The following FLT4 variants were observed in gnomAD, a reference collection of about 807,000 sequenced individuals.
FLT4 encodes the protein fms related receptor tyrosine kinase 4.
FLT4 carries 30 observed loss-of-function variants against 163.2 expected under a neutral mutation model. That is an observed-to-expected ratio of 0.18 (90% confidence interval 0.14 to 0.25). FLT4 has a LOEUF of 0.25. FLT4 is among the 10% of genes least tolerant of loss of function. The pLI is 1.00. For missense variants in FLT4, 1,510 were observed against 1,863.8 expected (o/e 0.81, Z 3.50); for synonymous variants, 884 against 789.5 (o/e 1.12, Z -2.01).
intron 1 of FLT4, 49 bp from the exon 2 acceptor site, chr5:180,631,827 G>T (rs372630033): frequency 7.7e-7 from 1 of 1,293,470 alleles, no homozygotes. Context: ...GACTTGGCAC[G>T]ACGTTGATGG....
intron 29 of FLT4, among the ~76,000 whole-genome samples, chr5:180,605,642 A>T (rs370891601): frequency 1.3e-5 from 2 of 152,204 alleles, no homozygotes; most frequent in African/African-American, 2.4e-5. Context: ...CCTCAAACCC[A>T]TATCTTTGGC....
intron 26 of FLT4, among the ~76,000 whole-genome samples, chr5:180,611,894 T>A (rs1329185538): frequency 6.6e-6 from 1 of 152,010 alleles, no homozygotes; most frequent in East Asian, 1.9e-4. Flanking sequence ...AGCCGGATCA[T>A]CCCTCCTCCA....
In FLT4 at chr5:180,629,768, C is replaced by G. The variant is rs754365305; in HGVS notation, c.744G>C (p.Leu248=). The stretch of plus-strand genomic sequence containing the variant: ...CAGCCCACACGGTGCAGTTCAGGAC[C>G]AGCTTCTCCCCTACCAGCAGCTCCA... ...KSLELLVGEK[L]VLNCTVWAEF... is the part of the protein sequence containing the mutation. The change falls in exon 6 of 30, where the codon CTG becomes CTC. Residue 248 remains leucine (L), a synonymous_variant. Transcript: ENST00000261937. The G allele has an allele frequency of 6.2e-7, 1 of 1,612,394 alleles. No homozygotes were observed. The highest frequency in any genetic ancestry group is 8.5e-7 in the Non-Finnish European group (1 of 1,179,790).
At chr5:180,643,296 C>T (rs73812640) in intron 1 of FLT4, among the ~76,000 whole-genome samples, 6,039 of 152,234 alleles carry the variant, frequency 0.04, 170 homozygotes, top group South Asian at 0.12. Context: ...TGAGTAGGAG[C>T]GGGCCCAAGA....
At chr5:180,608,890 C>T (rs917482885) in intron 29 of FLT4, 78 bp downstream of exon 29, 12 of 1,264,500 alleles carry the variant, frequency 9.5e-6, no homozygotes, top group Admixed American at 1.7e-5. Context: ...GGGCTGGGCA[C>T]ACCCAGACCC....
chr5:180,615,386 C>T (rs112450045), intron 23 of FLT4, among the ~76,000 whole-genome samples: 31 of 15,816 alleles, frequency 2.0e-3, no homozygotes, highest in South Asian at 6.4e-3. Context: ...CACTTCCTTT[C>T]GGAGCACTGG....
chr5:180,619,810 G>A (rs1284682308), intron 17 of FLT4, 41 bp from the exon 18 acceptor site: 3 of 1,490,870 alleles, frequency 2.0e-6, no homozygotes, highest in Middle Eastern at 2.0e-4. Flanking sequence ...GCTGTACGGG[G>A]TGAGCGTGGA....
In FLT4 at chr5:180,616,235, G is replaced by A; in HGVS notation, c.3219+132C>T. On this transcript the variant is annotated intron_variant, in intron 23 of 29. Transcript: ENST00000261937. The stretch of plus-strand genomic sequence containing the variant: ...GGGGCAGGAGGTCCACCAGCAGCTG[G>A]GCACATGGCTGGCCAACCAAGGAGC... The A allele has an allele frequency of 3.1e-6, 4 of 1,292,232 alleles. No individual in the cohort carries two copies. The Admixed American group carries it at 5.1e-5, about 16-fold the overall frequency. 80.0% of individuals were successfully genotyped at this position (1,292,232 alleles called of 1,614,324 possible).
At chr5:180,618,517 G>A (rs1048483347) in intron 21 of FLT4, among the ~76,000 whole-genome samples, 1 of 152,296 alleles carries the variant, frequency 6.6e-6, no homozygotes, top group South Asian at 2.1e-4. Context: ...TGTGGGGGCC[G>A]GGCACCTGCT....
rs1763371526 is a variant in FLT4, at chr5:180,623,868, C to T, written c.1548+67G>A. ...TGGAAGCCAGGTGGAAACCACATGG[C>T]AGTAATGGCCTCTCTCTCCTCCCTT... On this transcript the variant is annotated intron_variant, in intron 11 of 29. Transcript: ENST00000261937. The surrounding 1 kb of genome is among the most constrained non-coding windows in gnomAD (Gnocchi z 5.8). 15 of 1,595,484 alleles carry T rather than the reference C, an allele frequency of 9.4e-6. 1 individual carries two copies. In the South Asian group the frequency reaches 1.7e-4, roughly 18 times the overall value.
At position 180,602,486 on chromosome 5, in the gene FLT4, AAC is replaced by A. The variant is rs1761565215; in HGVS notation, c.*704_*705del. 1 of 398,242 alleles carries A rather than the reference AAC, an allele frequency of 2.5e-6. No individual in the cohort carries two copies. The highest frequency in any genetic ancestry group is 4.4e-5 in the Admixed American group (1 of 22,766). 24.7% of individuals were successfully genotyped at this position (398,242 alleles called of 1,614,324 possible). A position where few individuals can be genotyped will look rare whatever the true frequency, so the allele number is the denominator to read the frequency against. ...AAAGCAAATTCTTCTCAGCAGCTCT[AAC>A]AGTCTGTGAAGTTCTGTTGAAAAAG... On this transcript the variant is annotated 3_prime_UTR_variant, in exon 30 of 30. Transcript: ENST00000261937.
chr5:180,603,525 A>G, intron 29 of FLT4, 135 bp from the exon 30 acceptor site: 1 of 774,018 alleles, frequency 1.3e-6, no homozygotes, highest in Non-Finnish European at 2.2e-6. Context: ...CAGCCCAGGC[A>G]ACATGGGGAA....
Position 180,629,442 on chromosome 5 carries a change from G to T in FLT4, c.817-15C>A. On this transcript the variant is annotated splice_polypyrimidine_tract_variant and intron_variant, in intron 6 of 29. Coordinates refer to ENST00000261937, the MANE Select transcript of FLT4 (RefSeq NM_182925.5). ...CCCCGCTCTGCCTGCCCGCACCCAG[G>T]GAAGCCCCGCGTCAGCAGGCGGGCT... The T allele has an allele frequency of 6.2e-7, 1 of 1,609,954 alleles. No individual in the cohort carries two copies. Among genetic ancestry groups the T allele is most frequent in the Non-Finnish European group, 8.5e-7 (1 of 1,179,888 alleles).
chr5:180,610,862 C>G (rs1762118588), intron 27 of FLT4, among the ~76,000 whole-genome samples: 1 of 152,130 alleles, frequency 6.6e-6, no homozygotes, highest in Non-Finnish European at 1.5e-5. Context: ...TCGAGACCAT[C>G]CTGGCTAACA....
At chr5:180,609,855 G>A (rs772685630) in intron 28 of FLT4, 50 bp downstream of exon 28, 61 of 1,610,052 alleles carry the variant, frequency 3.8e-5, no homozygotes, top group East Asian at 1.6e-4. Flanking sequence ...CCCCTGAGGC[G>A]GCCCCAGCCC....
At chr5:180,646,276 G>C (rs775100274) in intron 1 of FLT4, among the ~76,000 whole-genome samples, 2 of 152,100 alleles carry the variant, frequency 1.3e-5, no homozygotes, top group African/African-American at 2.4e-5. Flanking sequence ...ACCATCCCCA[G>C]CTGCTACCTG....
chr5:180,629,643 C>G (rs898565880), intron 6 of FLT4, 53 bp downstream of exon 6: 8 of 1,591,334 alleles, frequency 5.0e-6, no homozygotes, highest in African/African-American at 2.7e-5. Context: ...GTGTGCTGTA[C>G]AGTCACAGGG....
chr5:180,618,510 G>C (rs1466320796), intron 21 of FLT4, among the ~76,000 whole-genome samples: 1 of 152,200 alleles, frequency 6.6e-6, no homozygotes, highest in East Asian at 1.9e-4. Flanking sequence ...GTTGCTCTGT[G>C]GGGGCCGGGC....
Position 180,621,897 on chromosome 5 carries a change from G to A in FLT4, c.1665C>T (p.Pro555=), listed in dbSNP as rs377041258. ...RLIYFYVTTI[P]DGFTIESKPS... is the part of the protein sequence containing the mutation. ...GCTTGGATTCGATGGTGAAGCCGTC[G>A]GGGATGGCTGTGGAGGGAGGAAGAA... is the stretch of plus-strand genomic sequence containing the variant. Residue 555 remains proline, a synonymous_variant, in exon 13 of 30, where the codon CCC becomes CCT. Transcript: ENST00000261937. The A allele has an allele frequency of 5.6e-6, 9 of 1,613,256 alleles. 1 individual carries two copies. In the African/African-American group the frequency reaches 6.7e-5, roughly 12 times the overall value.
Sources: allele counts gnomAD v4.1 joint callset (sites outside exome capture counted in the v4.1 genomes callset), GRCh38; gene constraint gnomAD v4.1.1; non-coding constraint Gnocchi (gnomAD v3.1); transcripts MANE v1.5; gene names NCBI Gene and HGNC (gene_info 2026-07-23, HGNC 2026-07-21).